The following PPP2R2B variants were observed in gnomAD, a reference collection of about 807,000 sequenced individuals.
PPP2R2B encodes serine/threonine-protein phosphatase 2A 55 kDa regulatory subunit B beta isoform.
Under a neutral mutation model 46.0 loss-of-function variants are expected in PPP2R2B, and 5 were observed. That is an observed-to-expected ratio of 0.11 (90% CI 0.06 to 0.23). PPP2R2B has a LOEUF of 0.23. Ranked by LOEUF, PPP2R2B falls within the 10% of genes least tolerant of loss-of-function variation. The pLI is 1.00. For missense variants in PPP2R2B, 367 were observed against 575.0 expected (o/e 0.64, Z 3.70); for synonymous variants, 215 against 206.7 (o/e 1.04, Z -0.34).
At position 146,589,495 on chromosome 5, in the gene PPP2R2B, C is replaced by CAAG. The variant is rs531824632; in HGVS notation, c.*449_*451dup. Reference sequence around the variant, plus strand: ...TGACTAGTTCTGGTTTTTCACAAAACAAGAAGAATTTGTCTAAGAGTAAAC... The same window carrying CAAG: ...TGACTAGTTCTGGTTTTTCACAAAACAAGAAGAAGAATTTGTCTAAGAGTAAAC... On this transcript the variant is annotated 3_prime_UTR_variant, in exon 10 of 10. Transcript: ENST00000394411. 6.2e-4 allele frequency: 97 copies of CAAG among 155,274 alleles called. No individual in the cohort carries two copies. Among genetic ancestry groups the CAAG allele is most frequent in the South Asian group, 3.2e-3 (16 of 4,976 alleles). 9.6% of individuals were successfully genotyped at this position (155,274 alleles called of 1,614,324 possible). A position where few individuals can be genotyped will look rare whatever the true frequency, so the allele number is the denominator to read the frequency against.
chr5:146,708,717 A>G (rs1433510039), intron 2 of PPP2R2B, among the ~76,000 whole-genome samples: 1 of 152,164 alleles, frequency 6.6e-6, no homozygotes, highest in African/African-American at 2.4e-5. Context: ...TTATTTTCTT[A>G]GTACACAGAG....
chr5:146,976,774 ATTC>A (rs1311869766), intron 1 of PPP2R2B, among the ~76,000 whole-genome samples: 1 of 152,142 alleles, frequency 6.6e-6, no homozygotes, highest in East Asian at 1.9e-4. Flanking sequence ...CCTCACTATT[ATTC>A]TTATTTAAAA....
At chr5:146,652,112 A>C (rs1317473629) in intron 5 of PPP2R2B, among the ~76,000 whole-genome samples, 1 of 152,166 alleles carries the variant, frequency 6.6e-6, no homozygotes, top group Non-Finnish European at 1.5e-5. Flanking sequence ...CCAATTACGG[A>C]TAAGGGCCTA....
chr5:147,004,900 G>T (rs1232146997), intron 1 of PPP2R2B, among the ~76,000 whole-genome samples: 1 of 152,158 alleles, frequency 6.6e-6, no homozygotes, highest in Non-Finnish European at 1.5e-5. Flanking sequence ...CAAAAGGCTG[G>T]CCTCACTGTT....
At chr5:146,838,616 G>A (rs1047487243) in intron 2 of PPP2R2B, among the ~76,000 whole-genome samples, 2 of 151,696 alleles carry the variant, frequency 1.3e-5, no homozygotes, top group South Asian at 2.1e-4. Flanking sequence ...AGAAGAATGG[G>A]ACAGAGTTAC....
rs550690669 is a variant in PPP2R2B at position 146,674,890 on chromosome 5, G to A, written c.447+16238C>T. ...TGCTGTACAAGTTAGTAGTTACTCA[G>A]TGTTGGCGCTTCTCCAACTAGGATC... On this transcript the variant is annotated intron_variant, in intron 5 of 9. Transcript: ENST00000394411. Among the ~76,000 whole-genome samples, 13 of 152,298 alleles carry A rather than the reference G, an allele frequency of 8.5e-5. No homozygotes were observed. The South Asian group carries it at 1.0e-3, about 12-fold the overall frequency.
chr5:146,891,607 C>T (rs549614549), intron 1 of PPP2R2B, among the ~76,000 whole-genome samples: 128 of 152,254 alleles, frequency 8.4e-4, no homozygotes, highest in African/African-American at 3.0e-3. Context: ...TTATTACCTG[C>T]CTACTATGTG....
At chr5:146,996,720 A>C (rs1753939639) in intron 1 of PPP2R2B, among the ~76,000 whole-genome samples, 2 of 152,218 alleles carry the variant, frequency 1.3e-5, no homozygotes, top group South Asian at 4.1e-4. Context: ...TACCTGGGTG[A>C]GGACAGAGAG....
At chr5:146,753,624 G>A (rs1753682301) in intron 2 of PPP2R2B, among the ~76,000 whole-genome samples, 1 of 152,150 alleles carries the variant, frequency 6.6e-6, no homozygotes, top group Non-Finnish European at 1.5e-5. Context: ...AAGGAATTCG[G>A]TCTGATGCTC....
At chr5:146,917,841 G>A (rs532648615) in intron 1 of PPP2R2B, 1 of 152,154 alleles carries the variant, frequency 6.6e-6, no homozygotes, top group Non-Finnish European at 1.5e-5. Flanking sequence ...GAGTCCTGTT[G>A]TTTTATTTGC....
intron 1 of PPP2R2B, among the ~76,000 whole-genome samples, chr5:147,005,084 C>G (rs914967048): frequency 2.8e-4 from 43 of 152,148 alleles, no homozygotes; most frequent in African/African-American, 9.9e-4. Flanking sequence ...ACCAGTGCTT[C>G]AAACATGTAT....
chr5:147,079,662 T>C (rs2151914425), intron 2 of PPP2R2B, among the ~76,000 whole-genome samples: 1 of 151,788 alleles, frequency 6.6e-6, no homozygotes, highest in Non-Finnish European at 1.5e-5. Context: ...AAGTAGAGAA[T>C]AGTGAATAGT....
At chr5:146,758,137 T>C (rs1341671181) in intron 2 of PPP2R2B, among the ~76,000 whole-genome samples, 2 of 152,178 alleles carry the variant, frequency 1.3e-5, no homozygotes, top group Admixed American at 1.3e-4. Flanking sequence ...CTCTCAACAT[T>C]AACATCAGTG....
At position 146,665,572 on chromosome 5, in the gene PPP2R2B, G is replaced by A. The variant is rs77416571; in HGVS notation, c.448-14848C>T. Reference sequence around the variant, plus strand: ...AAACCTTCTCTATGTCAGCAAGAAGGTTATTTTGCATTCTTATCATTTGTG... The same window carrying A: ...AAACCTTCTCTATGTCAGCAAGAAGATTATTTTGCATTCTTATCATTTGTG... On this transcript the variant is annotated intron_variant, in intron 5 of 9. Coordinates refer to ENST00000394411, the MANE Select transcript of PPP2R2B (RefSeq NM_181675.4). 6.0e-3 allele frequency among the ~76,000 whole-genome samples: 915 copies of A among 152,282 alleles called. 9 individuals carry two copies. The highest frequency in any genetic ancestry group is 0.021 in the African/African-American group (876 of 41,552).
At chr5:146,858,990 C>T (rs1209664136) in intron 2 of PPP2R2B, among the ~76,000 whole-genome samples, 2 of 152,178 alleles carry the variant, frequency 1.3e-5, no homozygotes, top group Non-Finnish European at 2.9e-5. Flanking sequence ...CAGTGTCTTA[C>T]AGAGAGTCAG....
At chr5:146,884,484 C>G (rs1762262644) in intron 1 of PPP2R2B, among the ~76,000 whole-genome samples, 2 of 152,154 alleles carry the variant, frequency 1.3e-5, no homozygotes, top group Non-Finnish European at 2.9e-5. Flanking sequence ...AGGAATCATT[C>G]CTTTTGACTA....
At chr5:146,811,759 G>T (rs916900381) in intron 2 of PPP2R2B, among the ~76,000 whole-genome samples, 12 of 148,796 alleles carry the variant, frequency 8.1e-5, no homozygotes, top group African/African-American at 3.0e-4. Flanking sequence ...AGTAGAGACG[G>T]GGTTTCACCT....
intron 1 of PPP2R2B, among the ~76,000 whole-genome samples, chr5:146,974,927 G>T (rs541592730): frequency 1.3e-5 from 2 of 152,142 alleles, no homozygotes; most frequent in South Asian, 4.1e-4. Context: ...CCGACCTCGT[G>T]ATCCGCCCAC....
chr5:146,861,047 A>ATTTTTTTTTTT, intron 2 of PPP2R2B, among the ~76,000 whole-genome samples: 1 of 132,172 alleles, frequency 7.6e-6, no homozygotes. Flanking sequence ...TTCAAACTGA[A>ATTTTTTTTTTT]TTTTTTCTTT....
Sources: allele counts gnomAD v4.1 joint callset (sites outside exome capture counted in the v4.1 genomes callset), GRCh38; gene constraint gnomAD v4.1.1; transcripts MANE v1.5; gene names NCBI Gene and HGNC (gene_info 2026-07-23, HGNC 2026-07-21).